CCR3: variants seen among roughly 807,000 people sequenced by gnomAD.
The protein encoded by CCR3 is C-C motif chemokine receptor 3.
For synonymous variants in CCR3, 203 were observed against 179.2 expected, an observed-to-expected ratio of 1.13 and a Z score of -1.06; for missense variants, 419 against 437.5, an observed-to-expected ratio of 0.96 and a Z score of 0.38.
chr3:46,260,535 C>G (rs997318038), intron 1 of CCR3, among the ~76,000 whole-genome samples: 3 of 152,190 alleles, frequency 2.0e-5, no homozygotes, highest in Non-Finnish European at 4.4e-5. Flanking sequence ...CATGCAAATT[C>G]AAAATCCAGC....
intron 2 of CCR3, among the ~76,000 whole-genome samples, chr3:46,227,118 A>G (rs763033570): frequency 6.6e-6 from 1 of 151,878 alleles, no homozygotes; most frequent in Non-Finnish European, 1.5e-5. Flanking sequence ...GACCTCAGGT[A>G]ATCCCAGCCC....
chr3:46,224,351 C>G (rs1699869841), intron 2 of CCR3, among the ~76,000 whole-genome samples: 1 of 151,792 alleles, frequency 6.6e-6, no homozygotes, highest in South Asian at 2.1e-4. Flanking sequence ...AATCCCAGCA[C>G]TTTGGGAGGC....
At chr3:46,229,255 T>G (rs1034708653) in intron 2 of CCR3, among the ~76,000 whole-genome samples, 9 of 152,220 alleles carry the variant, frequency 5.9e-5, no homozygotes, top group African/African-American at 2.2e-4. Flanking sequence ...ATGCTAACTC[T>G]TGTGATATCA....
Position 46,265,194 on chromosome 3 carries a change from T to C in CCR3, c.36T>C (p.Gly12=), listed in dbSNP as rs1485439670. 6.2e-7 allele frequency: 1 copy of C among 1,613,944 alleles called. No individual in the cohort carries two copies. Among genetic ancestry groups the C allele is most frequent in the South Asian group, 1.1e-5 (1 of 91,074 alleles). The change falls in exon 2 of 2, where the codon GGT becomes GGC. Residue 12 remains glycine, a synonymous_variant. Coordinates refer to ENST00000395940, the MANE Select transcript of CCR3 (RefSeq NM_178329.3). Reference sequence around the variant, plus strand: ...CACTAGATACAGTTGAGACCTTTGGTACCACATCCTACTATGATGACGTGG... The same window carrying C: ...CACTAGATACAGTTGAGACCTTTGGCACCACATCCTACTATGATGACGTGG... The part of the protein sequence containing the change: ...TTSLDTVETF[G]TTSYYDDVGL...
At chr3:46,248,125 G>A (rs1700232776) in intron 1 of CCR3, among the ~76,000 whole-genome samples, 1 of 152,124 alleles carries the variant, frequency 6.6e-6, no homozygotes, top group Non-Finnish European at 1.5e-5. Context: ...GTGAATGTCA[G>A]GTGGATCAGA....
chr3:46,256,837 C>T (rs1700435375), intron 1 of CCR3, among the ~76,000 whole-genome samples: 1 of 151,998 alleles, frequency 6.6e-6, no homozygotes, highest in African/African-American at 2.4e-5. Context: ...GATGGGTCAC[C>T]ACCATATTTG....
At chr3:46,228,906 A>G (rs779748122) in intron 2 of CCR3, among the ~76,000 whole-genome samples, 1 of 152,220 alleles carries the variant, frequency 6.6e-6, no homozygotes, top group Non-Finnish European at 1.5e-5. Context: ...GTGTATTCTT[A>G]CCATGTGTGT....
intron 1 of CCR3, among the ~76,000 whole-genome samples, chr3:46,257,157 T>C (rs981525093): frequency 1.3e-5 from 2 of 152,214 alleles, no homozygotes; most frequent in African/African-American, 4.8e-5. Context: ...ACAGAAGTGA[T>C]ACACAATTGA....
chr3:46,248,221 T>A (rs1184922723), intron 1 of CCR3, among the ~76,000 whole-genome samples: 2 of 152,088 alleles, frequency 1.3e-5, no homozygotes, highest in Non-Finnish European at 2.9e-5. Flanking sequence ...ATGGTAATTG[T>A]GGGAGACTTA....
At chr3:46,213,638 A>G (rs1699741455) in intron 2 of CCR3, among the ~76,000 whole-genome samples, 1 of 152,160 alleles carries the variant, frequency 6.6e-6, no homozygotes, top group African/African-American at 2.4e-5. Context: ...TGTCTTCCCC[A>G]TACCTTGGTC....
chr3:46,232,479 G>T (rs142862034), intron 2 of CCR3, among the ~76,000 whole-genome samples: 2 of 152,222 alleles, frequency 1.3e-5, no homozygotes, highest in Admixed American at 6.5e-5. Flanking sequence ...GCATAGCCAC[G>T]TGGGGGTCCT....
intron 2 of CCR3, among the ~76,000 whole-genome samples, chr3:46,235,039 G>A (rs1458887377): frequency 6.6e-6 from 1 of 152,188 alleles, no homozygotes; most frequent in African/African-American, 2.4e-5. Context: ...GAGGTGGAGT[G>A]GCTTTTAAAT....
At chr3:46,249,117 G>C (rs186498671) in intron 1 of CCR3, among the ~76,000 whole-genome samples, 1 of 152,080 alleles carries the variant, frequency 6.6e-6, no homozygotes, top group Non-Finnish European at 1.5e-5. Context: ...ATGATTGGTC[G>C]CCAAGGAGGG....
intron 2 of CCR3, among the ~76,000 whole-genome samples, chr3:46,217,799 TG>T (rs1425318303): frequency 6.6e-6 from 1 of 151,956 alleles, no homozygotes; most frequent in East Asian, 1.9e-4. Flanking sequence ...TCAAAACCTC[TG>T]GGATACAGCA....
chr3:46,217,899 C>G (rs1402524912), intron 2 of CCR3, among the ~76,000 whole-genome samples: 2 of 151,348 alleles, frequency 1.3e-5, no homozygotes, highest in Non-Finnish European at 2.9e-5. Flanking sequence ...GGCCACACCT[C>G]AAGGAACCAG....
At chr3:46,211,012 G>A (rs1699705363) in intron 2 of CCR3, 1 of 152,170 alleles carries the variant, frequency 6.6e-6, no homozygotes, top group Non-Finnish European at 1.5e-5. Flanking sequence ...ACTTGGTCTA[G>A]GGTGCAGCCT....
intron 2 of CCR3, among the ~76,000 whole-genome samples, chr3:46,213,017 A>G (rs1339577241): frequency 6.6e-6 from 1 of 152,266 alleles, no homozygotes; most frequent in African/African-American, 2.4e-5. Flanking sequence ...AAAAAGAAAA[A>G]GAAAAGAAAT....
At chr3:46,241,099 C>T (rs1337220096), upstream of CCR3, among the ~76,000 whole-genome samples, 1 of 151,838 alleles carries the variant, frequency 6.6e-6, no homozygotes, top group Non-Finnish European at 1.5e-5. Context: ...CCCTTCCTCC[C>T]TTTCTTCTCT....
intron 2 of CCR3, among the ~76,000 whole-genome samples, chr3:46,219,348 T>C (rs1370160752): frequency 1.3e-5 from 2 of 152,024 alleles, no homozygotes; most frequent in Admixed American, 1.3e-4. Flanking sequence ...CACAAACAAA[T>C]AGAAACACAT....
Sources: allele counts gnomAD v4.1 joint callset (sites outside exome capture counted in the v4.1 genomes callset), GRCh38; gene constraint gnomAD v4.1.1; transcripts MANE v1.5; gene names NCBI Gene and HGNC (gene_info 2026-07-23, HGNC 2026-07-21).